TAFA1: variants seen among roughly 807,000 people sequenced by gnomAD.
TAFA1 encodes the protein chemokine-like protein TAFA-1.
Under a neutral mutation model 18.5 loss-of-function variants are expected in TAFA1, and 4 were observed. The ratio of observed to expected loss-of-function variants is 0.22; its 90% CI spans 0.11 to 0.49. The LOEUF (loss-of-function observed/expected upper bound fraction) is 0.49. Among genes scored for constraint, TAFA1 ranks in the 20% least tolerant of loss-of-function variants. TAFA1 has a pLI of 0.98. For synonymous variants in TAFA1, 56 were observed against 55.2 expected (o/e 1.01, Z -0.06); for missense variants, 147 against 169.0 (o/e 0.87, Z 0.72).
At chr3:68,338,798 T>A (rs906440408) in intron 2 of TAFA1, among the ~76,000 whole-genome samples, 4 of 152,350 alleles carry the variant, frequency 2.6e-5, no homozygotes, top group Non-Finnish European at 5.9e-5. Flanking sequence ...GTATAACAAG[T>A]TAAACTAAAA....
intron 2 of TAFA1, among the ~76,000 whole-genome samples, chr3:68,223,393 C>G (rs1032920545): frequency 1.3e-5 from 2 of 152,158 alleles, no homozygotes; most frequent in African/African-American, 4.8e-5. Context: ...TCAATAGTAT[C>G]ACTGAATATT....
At chr3:68,407,143 G>A (rs1381809898) in intron 2 of TAFA1, among the ~76,000 whole-genome samples, 2 of 151,614 alleles carry the variant, frequency 1.3e-5, no homozygotes, top group Non-Finnish European at 2.9e-5. Flanking sequence ...CCATACTGGT[G>A]AAAAAAGGGA....
At chr3:68,384,997 T>C (rs1291657863) in intron 2 of TAFA1, among the ~76,000 whole-genome samples, 2 of 152,152 alleles carry the variant, frequency 1.3e-5, no homozygotes, top group Admixed American at 1.3e-4. Context: ...TTACTTTTTT[T>C]GTTTGTTTTT....
In TAFA1 at chr3:68,370,470, G is replaced by GTATATATATATATATATATATATA. The variant is rs2069675173; in HGVS notation, c.119-46809_119-46808insATATATATATATATATATATATAT. Reference sequence around the variant, plus strand: ...TGTATATATATGTGTGTGTGTGTGTGTGTATATATATATATATATATATAT... The same window carrying GTATATATATATATATATATATATA: ...TGTATATATATGTGTGTGTGTGTGTGTATATATATATATATATATATATATGTATATATATATATATATATATAT... On this transcript the variant is annotated intron_variant, in intron 2 of 4. Coordinates refer to ENST00000478136, the MANE Select transcript of TAFA1 (RefSeq NM_213609.4). Among the ~76,000 whole-genome samples the GTATATATATATATATATATATATA allele has an allele frequency of 4.8e-4, 15 of 31,160 alleles. 1 individual carries two copies. Among genetic ancestry groups the GTATATATATATATATATATATATA allele is most frequent in the South Asian group, 1.1e-3 (1 of 884 alleles). 20.4% of individuals were successfully genotyped at this position (31,160 alleles called of 152,430 possible). A position where few individuals can be genotyped will look rare whatever the true frequency, so the allele number is the denominator to read the frequency against.
intron 2 of TAFA1, among the ~76,000 whole-genome samples, chr3:68,115,645 G>A (rs1411262429): frequency 6.6e-6 from 1 of 152,186 alleles, no homozygotes; most frequent in Non-Finnish European, 1.5e-5. Flanking sequence ...TGAACGGTCA[G>A]TCATGCCGGA....
chr3:68,344,823 G>A (rs1387536398), intron 2 of TAFA1, among the ~76,000 whole-genome samples: 1 of 152,074 alleles, frequency 6.6e-6, no homozygotes, highest in Non-Finnish European at 1.5e-5. Flanking sequence ...TATTTTATTA[G>A]GTTCTTTTAT....
At chr3:67,999,797 CT>C (rs5849795), upstream of TAFA1, among the ~76,000 whole-genome samples, 27,562 of 142,880 alleles carry the variant, frequency 0.19, 3,552 homozygotes, top group African/African-American at 0.39. Context: ...TCTTTCCTTT[CT>C]TTTTTTTTTT....
intron 2 of TAFA1, among the ~76,000 whole-genome samples, chr3:68,217,254 C>T (rs62248292): frequency 0.052 from 7,954 of 151,826 alleles, 322 homozygotes; most frequent in Non-Finnish European, 0.079. Context: ...TATTATCTAC[C>T]CTTGATATAG....
intron 2 of TAFA1, among the ~76,000 whole-genome samples, chr3:68,206,342 A>C (rs1487722459): frequency 6.6e-6 from 1 of 151,882 alleles, no homozygotes; most frequent in Non-Finnish European, 1.5e-5. Flanking sequence ...TGACAGCCTT[A>C]AAATGAGATA....
intron 2 of TAFA1, among the ~76,000 whole-genome samples, chr3:68,021,703 AG>A (rs1353405370): frequency 6.6e-6 from 1 of 152,230 alleles, no homozygotes; most frequent in African/African-American, 2.4e-5. Flanking sequence ...AAAGAAAAGA[AG>A]AAGGAAAAAA....
intron 1 of TAFA1, among the ~76,000 whole-genome samples, chr3:68,005,774 T>C (rs747586353): frequency 4.6e-5 from 7 of 152,200 alleles, no homozygotes; most frequent in Non-Finnish European, 8.8e-5. Flanking sequence ...CAATATGAAA[T>C]GCAGCATAAG....
chr3:68,079,889 A>G (rs2106771093), intron 2 of TAFA1, among the ~76,000 whole-genome samples: 1 of 152,132 alleles, frequency 6.6e-6, no homozygotes, highest in Admixed American at 6.5e-5. Flanking sequence ...TGTCCCGTTG[A>G]TCTGTCTAAT....
At chr3:68,010,235 C>T (rs186634219) in intron 2 of TAFA1, among the ~76,000 whole-genome samples, 1 of 152,304 alleles carries the variant, frequency 6.6e-6, no homozygotes, top group East Asian at 1.9e-4. Context: ...CCCTCTGTTC[C>T]CCAGCCTCTT....
chr3:68,486,089 T>C (rs2072333570), intron 3 of TAFA1, among the ~76,000 whole-genome samples: 1 of 55,406 alleles, frequency 1.8e-5, no homozygotes, highest in Non-Finnish European at 3.5e-5. Flanking sequence ...TTTATTTTAT[T>C]TTATTTTATT....
At chr3:67,999,992 T>A (rs1408322001), upstream of TAFA1, among the ~76,000 whole-genome samples, 1 of 152,068 alleles carries the variant, frequency 6.6e-6, no homozygotes, top group Non-Finnish European at 1.5e-5. Flanking sequence ...TTTCACCATG[T>A]TTTCCAGGCT....
chr3:68,453,664 A>C (rs898101219), intron 3 of TAFA1, among the ~76,000 whole-genome samples: 4 of 152,244 alleles, frequency 2.6e-5, no homozygotes, highest in Non-Finnish European at 5.9e-5. Context: ...AGCATCTGGC[A>C]AAGGAATAAT....
rs536956192 is a variant in TAFA1 at position 68,036,369 on chromosome 3, G to A, written c.118+29625G>A. The stretch of plus-strand genomic sequence containing the variant: ...CAGGAGAATCACTTGAACCCGGGAG[G>A]TGGAGGTTGCAGTGAGCCAAGACTG... On this transcript the variant is annotated intron_variant, in intron 2 of 4. Transcript: ENST00000478136. Among the ~76,000 whole-genome samples, 11 of 150,210 alleles carry A rather than the reference G, an allele frequency of 7.3e-5. No individual in the cohort carries two copies. In the South Asian group the frequency reaches 1.7e-3, roughly 23 times the overall value.
intron 2 of TAFA1, among the ~76,000 whole-genome samples, chr3:68,296,750 CTG>C (rs2068215107): frequency 6.6e-6 from 1 of 152,120 alleles, no homozygotes; most frequent in Admixed American, 6.6e-5. Flanking sequence ...TGTGCAGACA[CTG>C]TGCTAGGTGC....
intron 2 of TAFA1, among the ~76,000 whole-genome samples, chr3:68,306,030 A>G (rs959652897): frequency 6.6e-6 from 1 of 152,234 alleles, no homozygotes; most frequent in Non-Finnish European, 1.5e-5. Flanking sequence ...CCCTTTGGTG[A>G]TTGAAAAGAC....
Sources: gnomAD v4.1 joint callset for allele counts (sites outside exome capture counted in the v4.1 genomes callset) on GRCh38, gnomAD v4.1.1 for gene constraint, MANE v1.5 for transcripts, NCBI Gene and HGNC (gene_info 2026-07-23, HGNC 2026-07-21) for gene names.